Variants in C4orf51 observed in about 807,000 individuals in gnomAD.
C4orf51 encodes the protein uncharacterized protein C4orf51.
A neutral mutation model predicts 25.2 loss-of-function variants in C4orf51; 25 were observed. The observed-to-expected ratio is 0.99, with a 90% confidence interval of 0.72 to 1.39. The LOEUF is 1.39. Ranked by LOEUF, C4orf51 falls within the 40% of genes most tolerant of loss-of-function variation. C4orf51 has a pLI of 0.00. For missense variants in C4orf51, 252 were observed against 239.6 expected (o/e 1.05, Z -0.34); for synonymous variants, 100 against 84.5 (o/e 1.18, Z -1.01).
At chr4:145,744,468 C>T (rs564414553) in intron 1 of C4orf51, among the ~76,000 whole-genome samples, 1 of 148,784 alleles carries the variant, frequency 6.7e-6, no homozygotes, top group Non-Finnish European at 1.5e-5. Flanking sequence ...TTAATTGTAA[C>T]CCCAACTCTT....
downstream of C4orf51, chr4:145,757,485 G>T (rs947765819): frequency 2.6e-5 from 4 of 152,092 alleles, no homozygotes; most frequent in African/African-American, 7.2e-5. Flanking sequence ...CTTGAATTTT[G>T]TGACAGTTAT....
intron 2 of C4orf51, among the ~76,000 whole-genome samples, chr4:145,699,993 A>G (rs996622048): frequency 1.3e-5 from 2 of 151,324 alleles, no homozygotes; most frequent in Non-Finnish European, 2.9e-5. Context: ...CCTCTTTTCT[A>G]TGGGGCAAGA....
chr4:145,705,420 C>T (rs1197017109), intron 2 of C4orf51, among the ~76,000 whole-genome samples: 3 of 151,824 alleles, frequency 2.0e-5, no homozygotes, highest in Admixed American at 6.6e-5. Flanking sequence ...GAAGCTAGGC[C>T]GTCTCCTGCC....
chr4:145,680,291 G>C lies in C4orf51; in HGVS notation c.88G>C (p.Ala30Pro), dbSNP rs565608708. 7.4e-6 allele frequency: 12 copies of C among 1,613,960 alleles called. No homozygotes were observed. Among genetic ancestry groups the C allele is most frequent in the South Asian group, 4.4e-5 (4 of 91,084 alleles). Residue 30 changes from alanine to proline, a missense_variant, in exon 1 of 6, where the codon GCT becomes CCT. Physicochemically the swap from Ala to Pro is conservative, Grantham distance 27. Coordinates refer to ENST00000438731, the MANE Select transcript of C4orf51 (RefSeq NM_001080531.3). ...SQEFDLIRRK[A>P]GASWQDETRW... ...AGAGTTTGATCTGATCAGACGCAAG[G>C]CTGGAGCATCTTGGCAGGATGAAAC...
At chr4:145,767,089 ATC>A (rs1262783955) in intron 1 of C4orf51, among the ~76,000 whole-genome samples, 1 of 152,238 alleles carries the variant, frequency 6.6e-6, no homozygotes, top group African/African-American at 2.4e-5. Flanking sequence ...ATTGAGAATA[ATC>A]AACCAATCAA....
At chr4:145,738,682 C>T (rs1370120762) in intron 1 of C4orf51, among the ~76,000 whole-genome samples, 2 of 151,800 alleles carry the variant, frequency 1.3e-5, no homozygotes, top group African/African-American at 4.8e-5. Context: ...CTCTGTCACT[C>T]AGGCTGGAGT....
chr4:145,733,764 T>A (rs1732646314), downstream of C4orf51, among the ~76,000 whole-genome samples: 1 of 152,172 alleles, frequency 6.6e-6, no homozygotes, highest in Non-Finnish European at 1.5e-5. Flanking sequence ...ATGGTTTCCA[T>A]TAAGCTCTCC....
intron 1 of C4orf51, among the ~76,000 whole-genome samples, chr4:145,685,703 G>A (rs1028063551): frequency 3.2e-4 from 48 of 152,210 alleles, no homozygotes; most frequent in African/African-American, 8.4e-4. Context: ...GTGTGGCGGC[G>A]GGCCGTCTGC....
At chr4:145,722,882 G>C (rs1366979587) in intron 2 of C4orf51, among the ~76,000 whole-genome samples, 1 of 152,140 alleles carries the variant, frequency 6.6e-6, no homozygotes, top group Non-Finnish European at 1.5e-5. Context: ...AAAGGATCTG[G>C]GCTGCATGCT....
chr4:145,720,494 A>G (rs1731673713), intron 2 of C4orf51, among the ~76,000 whole-genome samples: 1 of 152,142 alleles, frequency 6.6e-6, no homozygotes, highest in Non-Finnish European at 1.5e-5. Flanking sequence ...GACTCCACAC[A>G]ATATTCCACC....
chr4:145,727,136 T>C (rs752002463), intron 3 of C4orf51, among the ~76,000 whole-genome samples, 167 bp downstream of exon 3: 98 of 152,344 alleles, frequency 6.4e-4, no homozygotes, highest in Non-Finnish European at 1.2e-3. Flanking sequence ...TATTAGGTGA[T>C]AGGAACACAA....
the C4orf51 span, among the ~76,000 whole-genome samples, chr4:145,782,057 C>T: frequency 2.6e-5 from 4 of 152,224 alleles, no homozygotes; most frequent in Non-Finnish European, 5.9e-5. Context: ...TCCCCGGAGT[C>T]GCAGTGAGGC....
At position 145,752,951 on chromosome 4, in the gene C4orf51, A is replaced by G. The variant is rs564781233; in HGVS notation, n.168-1256A>G. The stretch of plus-strand genomic sequence containing the variant: ...ACTGAGGTCAGTGCAGGGTCCCACA[A>G]TCGCTGTGCTCTCACTCCCCCAAGT... On this transcript the variant is annotated intron_variant and non_coding_transcript_variant, in intron 1 of 1. Transcript: ENST00000508981. Among the ~76,000 whole-genome samples, 189 of 149,286 alleles carry G rather than the reference A, an allele frequency of 1.3e-3. 5 individuals carry two copies. In the South Asian group the frequency reaches 0.014, roughly 11 times the overall value.
intron 1 of C4orf51, among the ~76,000 whole-genome samples, chr4:145,684,437 A>C (rs922652178): frequency 6.6e-5 from 10 of 152,126 alleles, no homozygotes; most frequent in Non-Finnish European, 2.9e-5. Context: ...AGCCAAGATC[A>C]TGCCACTGCA....
intron 1 of C4orf51, among the ~76,000 whole-genome samples, chr4:145,769,471 T>G (rs1380343212): frequency 1.3e-5 from 2 of 152,208 alleles, no homozygotes; most frequent in African/African-American, 4.8e-5. Flanking sequence ...AACTACCATC[T>G]CTAAACATAG....
intron 2 of C4orf51, among the ~76,000 whole-genome samples, chr4:145,697,654 C>G (rs72952608): frequency 0.12 from 17,795 of 151,454 alleles, 1,195 homozygotes; most frequent in South Asian, 0.19. Flanking sequence ...GCATAAAGTC[C>G]TCCAGGTGCA....
chr4:145,762,806 G>A lies in C4orf51; in HGVS notation n.167-8182G>A, dbSNP rs1734739718. ...GTCAGTGGCTTATATGAGAACTGTAGTGTGTTTGCTCTCTTTCCACAAAGA... is the reference window on the plus strand; with the variant it reads ...GTCAGTGGCTTATATGAGAACTGTAATGTGTTTGCTCTCTTTCCACAAAGA... On this transcript the variant is annotated intron_variant and non_coding_transcript_variant, in intron 1 of 1. Transcript: ENST00000510096. This position sits in a 1 kb window ranked among gnomAD's most constrained non-coding sequence, Gnocchi z 4.9. Among the ~76,000 whole-genome samples the A allele has an allele frequency of 6.6e-6, 1 of 152,210 alleles. No homozygotes were observed. The highest frequency in any genetic ancestry group is 1.5e-5 in the Non-Finnish European group (1 of 68,024).
the C4orf51 span, among the ~76,000 whole-genome samples, chr4:145,786,770 G>T: frequency 2.0e-5 from 3 of 152,154 alleles, no homozygotes; most frequent in Non-Finnish European, 4.4e-5. Context: ...CTCTTTGGGG[G>T]TTAATATCTT....
At chr4:145,742,522 TC>T (rs1470259403) in intron 1 of C4orf51, among the ~76,000 whole-genome samples, 3 of 142,270 alleles carry the variant, frequency 2.1e-5, no homozygotes, top group African/African-American at 7.6e-5. Flanking sequence ...GACAGCATTT[TC>T]TTTTTCTTGT....
Sources: allele counts gnomAD v4.1 joint callset (sites outside exome capture counted in the v4.1 genomes callset), GRCh38; gene constraint gnomAD v4.1.1; non-coding constraint Gnocchi (gnomAD v3.1); transcripts MANE v1.5; gene names NCBI Gene and HGNC (gene_info 2026-07-23, HGNC 2026-07-21).